Variants in CACNA1C observed in about 807,000 individuals in gnomAD.
CACNA1C encodes voltage-dependent L-type calcium channel subunit alpha-1C.
In CACNA1C, 30 loss-of-function variants were observed where a neutral mutation model predicts 229.0. That is an observed-to-expected ratio of 0.13 (90% CI 0.10 to 0.18). The LOEUF (loss-of-function observed/expected upper bound fraction) is 0.18, where lower values mean the gene tolerates loss of function less well. Among genes scored for constraint, CACNA1C ranks in the 10% least tolerant of loss-of-function variants. The pLI, the probability that CACNA1C is intolerant of heterozygous loss-of-function variation, is 1.00. For synonymous variants in CACNA1C, 1,114 were observed against 1,132.5 expected, an observed-to-expected ratio of 0.98 and a Z score of 0.33; for missense variants, 1,658 against 2,845.0, an observed-to-expected ratio of 0.58 and a Z score of 9.49.
intron 1 of CACNA1C, among the ~76,000 whole-genome samples, chr12:2,086,335 C>T (rs565321866): frequency 2.6e-5 from 4 of 152,354 alleles, no homozygotes; most frequent in African/African-American, 7.2e-5. Flanking sequence ...TATGATTCTG[C>T]ATCTGTGGCA....
chr12:2,423,162 G>A (rs2098995219), intron 3 of CACNA1C, among the ~76,000 whole-genome samples: 1 of 151,802 alleles, frequency 6.6e-6, no homozygotes, highest in Non-Finnish European at 1.5e-5. Context: ...AACTTTGTGA[G>A]AGGGCCCTCT....
intron 11 of CACNA1C, 69 bp downstream of exon 11, chr12:2,557,046 G>A (rs993804403): frequency 1.6e-5 from 22 of 1,359,130 alleles, no homozygotes; most frequent in Non-Finnish European, 1.9e-5. Flanking sequence ...CCTGTTGGGT[G>A]GCCCAAGGTA....
At chr12:2,528,912 C>T (rs1166404924) in intron 9 of CACNA1C, among the ~76,000 whole-genome samples, 1 of 152,144 alleles carries the variant, frequency 6.6e-6, no homozygotes, top group Non-Finnish European at 1.5e-5. Flanking sequence ...CAAAAGGTCG[C>T]CCATTGGACA....
chr12:2,314,472 G>A (rs1316595021), intron 3 of CACNA1C, among the ~76,000 whole-genome samples: 1 of 152,196 alleles, frequency 6.6e-6, no homozygotes, highest in Non-Finnish European at 1.5e-5. Context: ...GACACAGAAC[G>A]TTACTCACAC....
chr12:2,373,647 A>G (rs1480877928), intron 3 of CACNA1C, among the ~76,000 whole-genome samples: 1 of 152,202 alleles, frequency 6.6e-6, no homozygotes, highest in African/African-American at 2.4e-5. Context: ...ATTTTAAGTG[A>G]TAGATATGGG....
At chr12:2,061,882 C>A (rs1401147098) in intron 1 of CACNA1C, among the ~76,000 whole-genome samples, 1 of 152,120 alleles carries the variant, frequency 6.6e-6, no homozygotes, top group Non-Finnish European at 1.5e-5. Flanking sequence ...GGAAAATAAA[C>A]TTATTTATTT....
At chr12:2,568,115 T>G (rs2052248834) in intron 13 of CACNA1C, among the ~76,000 whole-genome samples, 1 of 152,156 alleles carries the variant, frequency 6.6e-6, no homozygotes, top group African/African-American at 2.4e-5. Flanking sequence ...CTCCTGTGCT[T>G]CACCAGCCTT....
At chr12:2,217,404 T>C (rs991440652) in intron 3 of CACNA1C, 9 of 152,238 alleles carry the variant, frequency 5.9e-5, no homozygotes, top group Non-Finnish European at 1.5e-5. Flanking sequence ...ATGGTTAAGA[T>C]TGTAAAATTT....
chr12:2,466,413 C>T (rs1478120822), intron 5 of CACNA1C, among the ~76,000 whole-genome samples: 1 of 152,204 alleles, frequency 6.6e-6, no homozygotes, highest in Non-Finnish European at 1.5e-5. Flanking sequence ...GGACACCTCC[C>T]AGTCTGGACT....
At chr12:2,187,733 G>T (rs2154292485) in intron 3 of CACNA1C, among the ~76,000 whole-genome samples, 1 of 152,360 alleles carries the variant, frequency 6.6e-6, no homozygotes, top group East Asian at 1.9e-4. Context: ...TGGTTTGTGG[G>T]GTCCCTGCCT....
intron 3 of CACNA1C, among the ~76,000 whole-genome samples, chr12:2,373,548 G>A (rs1247655903): frequency 6.6e-6 from 1 of 152,096 alleles, no homozygotes; most frequent in Non-Finnish European, 1.5e-5. Context: ...AGCATGGAGC[G>A]CTCTGAACTG....
intron 1 of CACNA1C, among the ~76,000 whole-genome samples, chr12:2,056,442 G>A (rs904726828): frequency 6.6e-6 from 1 of 152,122 alleles, no homozygotes; most frequent in Non-Finnish European, 1.5e-5. Context: ...TAGCAAATGA[G>A]TGTCTTAATA....
rs552049239 is a variant in CACNA1C, at chr12:2,646,789, A to AGAG, written c.3913-1685_3913-1684insAGG. Among the ~76,000 whole-genome samples, 12 of 131,960 alleles carry AGAG rather than the reference A, an allele frequency of 9.1e-5. No homozygotes were observed. The highest frequency in any genetic ancestry group is 8.0e-4 in the Admixed American group (11 of 13,756). The allele number at this position is 131,960 out of a possible 152,430, so 86.6% of individuals were successfully genotyped here. A position where few individuals can be genotyped will look rare whatever the true frequency, so the allele number is the denominator to read the frequency against. On this transcript the variant is annotated intron_variant, in intron 30 of 46. Coordinates refer to ENST00000399655, the MANE Select transcript of CACNA1C (RefSeq NM_000719.7). The surrounding 1 kb of genome is among the most constrained non-coding windows in gnomAD (Gnocchi z 4.6). Reference sequence around the variant, plus strand: ...GAGAAAGAGAGAGAGAGAGAGAGAGAGTGTGTGTGTGCGCGTGTGTGTGTC... The same window carrying AGAG: ...GAGAAAGAGAGAGAGAGAGAGAGAGAGAGGTGTGTGTGTGCGCGTGTGTGTGTC...
chr12:2,420,102 G>GGGGTGTGTGTGTGTGTGTGTGTGTGT (rs2098960882), intron 3 of CACNA1C, among the ~76,000 whole-genome samples: 1 of 125,430 alleles, frequency 8.0e-6, no homozygotes, highest in African/African-American at 3.5e-5. Flanking sequence ...TAGGCAAAAT[G>GGGGTGTGTGTGTGTGTGTGTGTGTGT]GTGTGTGTGT....
chr12:2,522,424 A>C (rs2099811750), intron 9 of CACNA1C, among the ~76,000 whole-genome samples: 3 of 152,234 alleles, frequency 2.0e-5, no homozygotes, highest in Admixed American at 6.5e-5. Context: ...CTAGTTGGCC[A>C]AATACCATTT....
At chr12:2,252,763 T>G (rs2076050333) in intron 3 of CACNA1C, among the ~76,000 whole-genome samples, 1 of 152,222 alleles carries the variant, frequency 6.6e-6, no homozygotes, top group African/African-American at 2.4e-5. Flanking sequence ...CTTTCTTTTT[T>G]CTAAGCTCTT....
At chr12:2,342,945 A>G (rs912687021) in intron 3 of CACNA1C, among the ~76,000 whole-genome samples, 8 of 152,222 alleles carry the variant, frequency 5.3e-5, no homozygotes, top group African/African-American at 1.9e-4. Context: ...TTTCATGTGC[A>G]TTATTTTATT....
chr12:2,419,941 T>C (rs887214361), intron 3 of CACNA1C, among the ~76,000 whole-genome samples: 34 of 152,030 alleles, frequency 2.2e-4, no homozygotes, highest in African/African-American at 7.5e-4. Flanking sequence ...TTCCACACCA[T>C]CTCTGTACCC....
chr12:2,041,946 A>G (rs2050190554), intron 1 of CACNA1C, among the ~76,000 whole-genome samples: 3 of 152,172 alleles, frequency 2.0e-5, no homozygotes, highest in African/African-American at 7.2e-5. Context: ...GTGCCTCATC[A>G]TGCGTTTTCA....
Sources: allele counts gnomAD v4.1 joint callset (sites outside exome capture counted in the v4.1 genomes callset), GRCh38; gene constraint gnomAD v4.1.1; non-coding constraint Gnocchi (gnomAD v3.1); transcripts MANE v1.5; gene names NCBI Gene and HGNC (gene_info 2026-07-23, HGNC 2026-07-21).